The following MLXIPL variants were observed in gnomAD, a reference collection of about 807,000 sequenced individuals.
The protein encoded by MLXIPL is MLX interacting protein like.
Under a neutral mutation model 81.5 loss-of-function variants are expected in MLXIPL, and 49 were observed. The ratio of observed to expected loss-of-function variants is 0.60; its 90% confidence interval spans 0.48 to 0.76. The LOEUF is 0.76. Among genes scored for constraint, MLXIPL ranks in the 30% least tolerant of loss-of-function variants. The pLI is 0.00. For missense variants in MLXIPL, 1,053 were observed against 1,167.0 expected (o/e 0.90, Z 1.42); for synonymous variants, 466 against 485.5 (o/e 0.96, Z 0.53).
the MLXIPL span, among the ~76,000 whole-genome samples, chr7:73,640,264 G>T: frequency 2.0e-5 from 3 of 151,158 alleles, no homozygotes; most frequent in Non-Finnish European, 4.4e-5. Context: ...AATTAGCCAG[G>T]TGTGGTAGCA....
upstream of MLXIPL, among the ~76,000 whole-genome samples, chr7:73,624,918 G>A (rs955790119): frequency 2.6e-5 from 4 of 152,048 alleles, no homozygotes; most frequent in African/African-American, 9.7e-5. Flanking sequence ...AAAATTAGCC[G>A]GACATAGTGG....
the MLXIPL span, among the ~76,000 whole-genome samples, chr7:73,633,075 C>T: frequency 7.0e-6 from 1 of 142,748 alleles, no homozygotes; most frequent in African/African-American, 2.7e-5. Context: ...GCCACCCCAC[C>T]CTACCTTTTT....
chr7:73,604,017 A>T (rs1795090355), intron 7 of MLXIPL, among the ~76,000 whole-genome samples: 2 of 151,590 alleles, frequency 1.3e-5, no homozygotes, highest in South Asian at 4.2e-4. Flanking sequence ...GGAGTTCAAA[A>T]CCAGCCTGGC....
In MLXIPL at chr7:73,612,436, T is replaced by C. The variant is rs573705725; in HGVS notation, c.400+3635A>G. On this transcript the variant is annotated intron_variant, in intron 2 of 16. Coordinates refer to ENST00000313375, the MANE Select transcript of MLXIPL (RefSeq NM_032951.3). Reference sequence around the variant, plus strand: ...TGGGCGGATCACCTGAGGTCGGGAGTTCGAGACCAGCCTGACCAACATGGA... The same window carrying C: ...TGGGCGGATCACCTGAGGTCGGGAGCTCGAGACCAGCCTGACCAACATGGA... Among the ~76,000 whole-genome samples, 41 of 151,698 alleles carry C rather than the reference T, an allele frequency of 2.7e-4. No homozygotes were observed. In the South Asian group the frequency reaches 7.5e-3, roughly 28 times the overall value.
At chr7:73,617,137 T>A (rs1293976055) in intron 1 of MLXIPL, among the ~76,000 whole-genome samples, 1 of 151,988 alleles carries the variant, frequency 6.6e-6, no homozygotes, top group Admixed American at 6.6e-5. Context: ...TGCCTCGGCC[T>A]CCCGAGTAGC....
chr7:73,596,492 C>T lies in MLXIPL; in HGVS notation c.1823-13G>A. ...CGCCGTTCACTGCCTGTGGTAGGGACAGACAGACCCACAGAAAGACCGACC... is the reference window on the plus strand; with the variant it reads ...CGCCGTTCACTGCCTGTGGTAGGGATAGACAGACCCACAGAAAGACCGACC... On this transcript the variant is annotated splice_polypyrimidine_tract_variant and intron_variant, in intron 11 of 16. Coordinates refer to ENST00000313375, the MANE Select transcript of MLXIPL (RefSeq NM_032951.3). This position sits in a 1 kb window ranked among gnomAD's most constrained non-coding sequence, Gnocchi z 4.7. 1.2e-6 allele frequency: 2 copies of T among 1,612,774 alleles called. No homozygotes were observed. Among genetic ancestry groups the T allele is most frequent in the Non-Finnish European group, 1.7e-6 (2 of 1,179,868 alleles).
At chr7:73,601,705 A>AT (rs1334262412) in intron 7 of MLXIPL, among the ~76,000 whole-genome samples, 14 of 151,422 alleles carry the variant, frequency 9.2e-5, no homozygotes, top group African/African-American at 3.4e-4. Context: ...TAATTTTTGT[A>AT]TTTTTTAGCA....
At chr7:73,621,993 CCCTT>C (rs1399063941) in intron 1 of MLXIPL, among the ~76,000 whole-genome samples, 1 of 123,530 alleles carries the variant, frequency 8.1e-6, no homozygotes, top group Non-Finnish European at 1.7e-5. Context: ...CTCCCTCCCT[CCCTT>C]CCTTCCTTCC....
Position 73,596,513 on chromosome 7 carries a change from C to G in MLXIPL, c.1823-34G>C. On this transcript the variant is annotated intron_variant, in intron 11 of 16. Coordinates refer to ENST00000313375, the MANE Select transcript of MLXIPL (RefSeq NM_032951.3). The surrounding 1 kb of genome is among the most constrained non-coding windows in gnomAD (Gnocchi z 4.7). The stretch of plus-strand genomic sequence containing the variant: ...GGGACAGACAGACCCACAGAAAGAC[C>G]GACCCAGGGGAAAGGGTCCCCATTG... The G allele has an allele frequency of 6.2e-7, 1 of 1,611,610 alleles. No homozygotes were observed.
chr7:73,629,045 T>C (rs1209275148), upstream of MLXIPL, among the ~76,000 whole-genome samples: 1 of 150,898 alleles, frequency 6.6e-6, no homozygotes, highest in East Asian at 1.9e-4. Flanking sequence ...TTCTTTTCTT[T>C]TCTTTTTTTT....
At chr7:73,602,146 T>G (rs1794908785) in intron 7 of MLXIPL, among the ~76,000 whole-genome samples, 2 of 145,264 alleles carry the variant, frequency 1.4e-5, no homozygotes, top group African/African-American at 5.2e-5. Context: ...CTTCCTTCCT[T>G]CCTTCCTTCC....
chr7:73,619,776 A>G (rs1324674853), intron 1 of MLXIPL, among the ~76,000 whole-genome samples: 1 of 151,060 alleles, frequency 6.6e-6, no homozygotes, highest in Non-Finnish European at 1.5e-5. Context: ...TAAAAATACA[A>G]AAAATTAGCT....
chr7:73,596,186 G>A lies in MLXIPL; in HGVS notation c.2025C>T (p.Leu675=), dbSNP rs782168651. ...TGGGCTGGGCACTGAGTGTGCTCACGAGCCCATGAAGGGTGTCAAACCCCA... is the reference window on the plus strand; with the variant it reads ...TGGGCTGGGCACTGAGTGTGCTCACAAGCCCATGAAGGGTGTCAAACCCCA... ...IKLGFDTLHG[L]VSTLSAQPSL... is the part of the protein sequence containing the mutation. The change falls in exon 13 of 17, where the codon CTC becomes CTT. Residue 675 remains leucine, a synonymous_variant. Transcript: ENST00000313375. The surrounding 1 kb of genome is among the most constrained non-coding windows in gnomAD (Gnocchi z 4.7). 1.2e-5 allele frequency: 19 copies of A among 1,613,270 alleles called. No individual in the cohort carries two copies. The highest frequency in any genetic ancestry group is 6.7e-5 in the African/African-American group (5 of 74,856).
chr7:73,607,347 A>G lies in MLXIPL; in HGVS notation c.557T>C (p.Ile186Thr). 6.4e-7 allele frequency: 1 copy of G among 1,566,360 alleles called. No homozygotes were observed. Among genetic ancestry groups the G allele is most frequent in the Admixed American group, 1.9e-5 (1 of 52,762 alleles). Residue 186 changes from isoleucine (I) to threonine (T), a missense_variant, in exon 4 of 17, where the codon ATC becomes ACC. This residue lies in a region of MLXIPL where 823 missense variants were observed against 933.0 expected (regional missense o/e 0.88). Transcript: ENST00000313375. ...CCCACTGACCCGCTTCTTGTAGTAG[A>G]TGCGCCACTTGTGGTATTCCCGCAT... ...VVMREYHKWR[I>T]YYKKRLRKPS...
rs782151266 is a variant in MLXIPL at position 73,624,272 on chromosome 7, G to A, written c.221C>T (p.Pro74Leu). 1.6e-5 allele frequency: 26 copies of A among 1,591,466 alleles called. No homozygotes were observed. Among genetic ancestry groups the A allele is most frequent in the Non-Finnish European group, 1.8e-5 (21 of 1,170,504 alleles). The change falls in exon 1 of 17, where the codon CCC becomes CTC. Residue 74 changes from proline to leucine, a missense_variant. Around this residue, in one of 3 missense-constraint regions of MLXIPL, gnomAD observed 226 missense variants for 216.2 expected, o/e 1.05. Transcript: ENST00000313375. ...GATACTGCGCGGCCCGAAGTCGGAG[G>A]GCCCCACGGACCCCTCCTGGTCGCG... ...RRRDQEGSVGPSDFGPRSIDP... is the reference protein window; with the variant it reads ...RRRDQEGSVGLSDFGPRSIDP...
chr7:73,624,496 T>C lies in MLXIPL; in HGVS notation c.-4A>G. 1 of 1,524,010 alleles carries C rather than the reference T, an allele frequency of 6.6e-7. No homozygotes were observed. Among genetic ancestry groups the C allele is most frequent in the East Asian group, 2.5e-5 (1 of 39,786 alleles). The allele number at this position is 1,524,010 out of a possible 1,614,324, so 94.4% of individuals were successfully genotyped here. On this transcript the variant is annotated 5_prime_UTR_variant, in exon 1 of 17. Transcript: ENST00000313375. ...GACCTGCCAGCGCGCCGGCCATGGC[T>C]GTCGCCGCCGCAACCGCCTGGTCCC...
At chr7:73,628,818 T>G (rs1012677060), upstream of MLXIPL, among the ~76,000 whole-genome samples, 1 of 152,200 alleles carries the variant, frequency 6.6e-6, no homozygotes, top group Non-Finnish European at 1.5e-5. Context: ...TCATGGTCCA[T>G]GGAGATGCAA....
chr7:73,620,417 A>AAAC (rs1198121862), intron 1 of MLXIPL, among the ~76,000 whole-genome samples: 6 of 151,322 alleles, frequency 4.0e-5, no homozygotes, highest in African/African-American at 9.7e-5. Flanking sequence ...AACAAACAAA[A>AAAC]AACAACAACA....
intron 2 of MLXIPL, among the ~76,000 whole-genome samples, chr7:73,613,108 G>A (rs1394780748): frequency 4.6e-5 from 7 of 152,144 alleles, no homozygotes; most frequent in African/African-American, 7.2e-5. Flanking sequence ...CTTCCTGCTT[G>A]AGCCCTAAGG....
Sources: gnomAD v4.1 joint callset for allele counts (sites outside exome capture counted in the v4.1 genomes callset) on GRCh38, gnomAD v4.1.1 for gene constraint, gnomAD v4.1.1 regional missense constraint, Gnocchi (gnomAD v3.1) non-coding constraint, MANE v1.5 for transcripts, NCBI Gene and HGNC (gene_info 2026-07-23, HGNC 2026-07-21) for gene names.